The following GPR149 variants were observed in gnomAD, a reference collection of about 807,000 sequenced individuals.
GPR149 encodes the protein probable G protein-coupled receptor 149.
A neutral mutation model predicts 50.2 loss-of-function variants in GPR149; 50 were observed. The observed-to-expected ratio is 1.00, with a 90% CI of 0.79 to 1.26. The LOEUF is 1.26. Ranked by LOEUF, GPR149 falls within the 50% of genes most tolerant of loss-of-function variation. The pLI, the probability that GPR149 is intolerant of heterozygous loss-of-function variation, is 0.00. For missense variants in GPR149, 983 were observed against 895.4 expected (o/e 1.10, Z -1.25); for synonymous variants, 405 against 358.2 (o/e 1.13, Z -1.48).
chr3:154,399,971 T>C (rs566264975), intron 3 of GPR149, among the ~76,000 whole-genome samples: 52 of 152,156 alleles, frequency 3.4e-4, no homozygotes, highest in Non-Finnish European at 6.0e-4. Flanking sequence ...GTGTCAATAA[T>C]TGTATTTGAA....
chr3:154,417,510 T>C (rs1438876724), intron 3 of GPR149, among the ~76,000 whole-genome samples: 2 of 152,080 alleles, frequency 1.3e-5, no homozygotes, highest in Non-Finnish European at 2.9e-5. Context: ...TCACTAAATA[T>C]GTTTAAAATC....
intron 3 of GPR149, among the ~76,000 whole-genome samples, chr3:154,342,674 G>A (rs1394741678): frequency 6.6e-6 from 1 of 152,150 alleles, no homozygotes; most frequent in Non-Finnish European, 1.5e-5. Context: ...CTCCCAAAGT[G>A]CTAGGATTAC....
chr3:154,354,405 A>G (rs529453061), intron 3 of GPR149, among the ~76,000 whole-genome samples: 3 of 152,354 alleles, frequency 2.0e-5, no homozygotes. Context: ...GCTATACAAA[A>G]TAAGTCTCAT....
chr3:154,364,779 T>G (rs1714491700), intron 3 of GPR149, among the ~76,000 whole-genome samples: 1 of 152,242 alleles, frequency 6.6e-6, no homozygotes, highest in Non-Finnish European at 1.5e-5. Context: ...CCCCATGGCT[T>G]TGCTGGATGC....
At chr3:154,362,548 A>G (rs1161239750) in intron 3 of GPR149, among the ~76,000 whole-genome samples, 2 of 152,144 alleles carry the variant, frequency 1.3e-5, no homozygotes, top group Admixed American at 6.5e-5. Flanking sequence ...ATGAAGCTTA[A>G]GTTCCACAGC....
At chr3:154,353,399 G>A in intron 3 of GPR149, 1 of 1,221,104 alleles carries the variant, frequency 8.2e-7, no homozygotes, top group Non-Finnish European at 1.2e-6. Context: ...ATTCAGTTTT[G>A]TAGGATTTGT....
intron 2 of GPR149, among the ~76,000 whole-genome samples, chr3:154,426,159 A>T (rs928956701): frequency 6.6e-6 from 1 of 152,216 alleles, no homozygotes; most frequent in African/African-American, 2.4e-5. Context: ...TGTTCTGGAT[A>T]TTAATCTTTA....
chr3:154,393,199 C>T (rs1443341651), intron 3 of GPR149, among the ~76,000 whole-genome samples: 3 of 151,852 alleles, frequency 2.0e-5, no homozygotes, highest in Admixed American at 6.6e-5. Flanking sequence ...ACTGACAAAC[C>T]AAGTTCAACA....
intron 3 of GPR149, among the ~76,000 whole-genome samples, chr3:154,402,415 C>CAAAT (rs34746134): frequency 0.34 from 47,858 of 140,634 alleles, 8,244 homozygotes; most frequent in Middle Eastern, 0.39. Flanking sequence ...GACCCTGTCT[C>CAAAT]AAATAAATAA....
chr3:154,422,103 T>C (rs1373159723), intron 2 of GPR149, among the ~76,000 whole-genome samples: 5 of 151,610 alleles, frequency 3.3e-5, no homozygotes, highest in Admixed American at 6.6e-5. Context: ...TGAAAAGAAC[T>C]GGTAAAAATT....
intron 2 of GPR149, among the ~76,000 whole-genome samples, chr3:154,424,788 C>G (rs1712247831): frequency 6.6e-6 from 1 of 151,456 alleles, no homozygotes; most frequent in Non-Finnish European, 1.5e-5. Context: ...TCACATCTTG[C>G]CAATTACAAT....
At chr3:154,397,015 G>A (rs1440616086) in intron 3 of GPR149, among the ~76,000 whole-genome samples, 2 of 152,082 alleles carry the variant, frequency 1.3e-5, no homozygotes, top group African/African-American at 4.8e-5. Flanking sequence ...TAACTTGGGT[G>A]TTTGAGTCTT....
At chr3:154,396,338 T>C (rs1002794856) in intron 3 of GPR149, among the ~76,000 whole-genome samples, 1 of 152,180 alleles carries the variant, frequency 6.6e-6, no homozygotes, top group African/African-American at 2.4e-5. Context: ...AGCAACAGTA[T>C]TCTTGATTAT....
At chr3:154,349,434 C>T (rs988910458) in intron 3 of GPR149, among the ~76,000 whole-genome samples, 3 of 152,216 alleles carry the variant, frequency 2.0e-5, no homozygotes, top group African/African-American at 7.2e-5. Flanking sequence ...CTGCAGCCAT[C>T]GAAAGTACCA....
chr3:154,429,078 A>G lies in GPR149; in HGVS notation c.538T>C (p.Trp180Arg), dbSNP rs758165003. The G allele has an allele frequency of 2.5e-6, 4 of 1,613,802 alleles. No individual in the cohort carries two copies. Among genetic ancestry groups the G allele is most frequent in the Non-Finnish European group, 8.5e-7 (1 of 1,179,944 alleles). ...CGWGAFVRTP[W>R]GCLVDCSSSY... The stretch of plus-strand genomic sequence containing the variant: ...CTGGAGCAGTCCACCAGGCAGCCCC[A>G]GGGCGTGCGCACGAAGGCGCCCCAG... The change falls in exon 1 of 4, where the codon TGG becomes CGG. Residue 180 changes from tryptophan to arginine, a missense_variant. Trp to Arg is a moderately radical substitution (Grantham distance 101). Coordinates refer to ENST00000389740, the MANE Select transcript of GPR149 (RefSeq NM_001038705.3).
intron 3 of GPR149, among the ~76,000 whole-genome samples, chr3:154,358,508 A>G (rs1388958034): frequency 6.6e-6 from 1 of 152,156 alleles, no homozygotes; most frequent in African/African-American, 2.4e-5. Flanking sequence ...TACAGATCCA[A>G]GATACTTGAA....
At chr3:154,410,703 TAGACCTA>T (rs1194885768) in intron 3 of GPR149, among the ~76,000 whole-genome samples, 1 of 152,090 alleles carries the variant, frequency 6.6e-6, no homozygotes, top group Non-Finnish European at 1.5e-5. Context: ...CTATTACTAC[TAGACCTA>T]AGAAATGAGA....
intron 3 of GPR149, among the ~76,000 whole-genome samples, chr3:154,404,474 C>T (rs1711621925): frequency 6.6e-6 from 1 of 152,168 alleles, no homozygotes. Flanking sequence ...ATACCCAAAT[C>T]TCACTCCAGA....
chr3:154,364,359 G>A (rs789382), intron 3 of GPR149, among the ~76,000 whole-genome samples: 67,513 of 151,972 alleles, frequency 0.44, 15,205 homozygotes, highest in Non-Finnish European at 0.48. Context: ...TCTCACATAC[G>A]AAATACATCA....
Sources: allele counts gnomAD v4.1 joint callset (sites outside exome capture counted in the v4.1 genomes callset), GRCh38; gene constraint gnomAD v4.1.1; transcripts MANE v1.5; gene names NCBI Gene and HGNC (gene_info 2026-07-23, HGNC 2026-07-21).